Variants in RASSF8 observed in about 807,000 individuals in gnomAD.
RASSF8 encodes ras association domain-containing protein 8.
A neutral mutation model predicts 48.5 loss-of-function variants in RASSF8; 22 were observed. That is an observed-to-expected ratio of 0.45 (90% CI 0.32 to 0.65). The LOEUF (loss-of-function observed/expected upper bound fraction) is 0.65. Ranked by LOEUF, RASSF8 falls within the 30% of genes least tolerant of loss-of-function variation. The pLI is 0.03. For missense variants in RASSF8, 418 were observed against 489.2 expected, an observed-to-expected ratio of 0.85 and a Z score of 1.37; for synonymous variants, 127 against 171.5, an observed-to-expected ratio of 0.74 and a Z score of 2.03.
At chr12:26,030,430 C>T (rs949446128) in intron 2 of RASSF8, among the ~76,000 whole-genome samples, 1 of 152,140 alleles carries the variant, frequency 6.6e-6, no homozygotes, top group African/African-American at 2.4e-5. Flanking sequence ...CTGCAGGGCT[C>T]TGTAGGATGA....
At chr12:26,050,084 A>G (rs555642921) in intron 2 of RASSF8, among the ~76,000 whole-genome samples, 39 of 152,332 alleles carry the variant, frequency 2.6e-4, no homozygotes, top group African/African-American at 8.7e-4. Flanking sequence ...CGCCCAGCCA[A>G]AGACATAATT....
At chr12:26,052,927 T>C (rs1348997757) in intron 2 of RASSF8, 1 of 152,168 alleles carries the variant, frequency 6.6e-6, no homozygotes, top group Non-Finnish European at 1.5e-5. Context: ...GGCAGTATGC[T>C]AAAGTCTAAA....
intron 1 of RASSF8, among the ~76,000 whole-genome samples, chr12:25,976,856 T>A (rs1941618850): frequency 6.6e-6 from 1 of 152,178 alleles, no homozygotes; most frequent in Non-Finnish European, 1.5e-5. Flanking sequence ...AAGCCCAGTG[T>A]GTTACTCCCA....
At position 26,071,810 on chromosome 12, in the gene RASSF8, A is replaced by G; in HGVS notation, c.*2992A>G. 1.1e-6 allele frequency: 1 copy of G among 895,654 alleles called. No homozygotes were observed. The highest frequency in any genetic ancestry group is 2.9e-5 in the African/African-American group (1 of 34,336). The allele number at this position is 895,654 out of a possible 1,614,324, so 55.5% of individuals were successfully genotyped here. On this transcript the variant is annotated 3_prime_UTR_variant, in exon 6 of 6. Coordinates refer to ENST00000689635, the MANE Select transcript of RASSF8 (RefSeq NM_001394098.1). ...CTGATAGAGTAAAAACTATATAAATACAGTAAAAAAAAAATAGAATTTATG... is the reference window on the plus strand; with the variant it reads ...CTGATAGAGTAAAAACTATATAAATGCAGTAAAAAAAAAATAGAATTTATG...
At chr12:25,979,446 A>G (rs1941686494) in intron 1 of RASSF8, among the ~76,000 whole-genome samples, 2 of 152,160 alleles carry the variant, frequency 1.3e-5, no homozygotes, top group South Asian at 2.1e-4. Flanking sequence ...TTTCTGAAGA[A>G]CAGTGAGGTT....
chr12:25,978,528 T>G lies in RASSF8; in HGVS notation c.-202-16509T>G, dbSNP rs141072269. Among the ~76,000 whole-genome samples, 8 of 152,370 alleles carry G rather than the reference T, an allele frequency of 5.3e-5. No individual in the cohort carries two copies. In the East Asian group the frequency reaches 1.5e-3, roughly 29 times the overall value. On this transcript the variant is annotated intron_variant, in intron 1 of 5. Coordinates refer to ENST00000689635, the MANE Select transcript of RASSF8 (RefSeq NM_001394098.1). ...CAGAAGCATGTGCTTGTGCACCTTA[T>G]AAGCAACAAAATAGTTTTTGCCAAA...
intron 1 of RASSF8, among the ~76,000 whole-genome samples, chr12:25,963,907 A>AT (rs1941295828): frequency 6.6e-6 from 1 of 152,154 alleles, no homozygotes; most frequent in Non-Finnish European, 1.5e-5. Flanking sequence ...TTGTTCCTAC[A>AT]TTTCCCCACT....
At chr12:26,004,871 G>T (rs1361139042) in intron 2 of RASSF8, among the ~76,000 whole-genome samples, 1 of 152,156 alleles carries the variant, frequency 6.6e-6, no homozygotes, top group Middle Eastern at 3.4e-3. Context: ...TAAGTGAAAG[G>T]TATAAAATGA....
intron 2 of RASSF8, among the ~76,000 whole-genome samples, chr12:25,996,180 A>C (rs1324997947): frequency 6.6e-6 from 1 of 152,312 alleles, no homozygotes; most frequent in East Asian, 1.9e-4. Context: ...TGATTCTAAT[A>C]AGGCAATTTT....
chr12:26,023,435 A>T (rs1395121881), intron 2 of RASSF8, among the ~76,000 whole-genome samples: 1 of 152,216 alleles, frequency 6.6e-6, no homozygotes, highest in Non-Finnish European at 1.5e-5. Context: ...TTAATAGCTG[A>T]CTTCTCATCG....
chr12:26,068,365 CTTCT>C (rs1279913866), intron 5 of RASSF8, among the ~76,000 whole-genome samples: 2 of 151,998 alleles, frequency 1.3e-5, no homozygotes, highest in African/African-American at 4.8e-5. Context: ...CCCCCTTTTC[CTTCT>C]TTTTCTTCTA....
At chr12:26,037,608 C>T (rs1160033502) in intron 2 of RASSF8, among the ~76,000 whole-genome samples, 1 of 152,114 alleles carries the variant, frequency 6.6e-6, no homozygotes, top group African/African-American at 2.4e-5. Context: ...ATGTTTATAA[C>T]TAGCAATGAG....
At chr12:26,048,761 T>C (rs540357051) in intron 2 of RASSF8, among the ~76,000 whole-genome samples, 11 of 149,608 alleles carry the variant, frequency 7.4e-5, no homozygotes, top group Non-Finnish European at 1.5e-4. Flanking sequence ...TTGTTTTGTT[T>C]TGTTTTTTTC....
At chr12:26,037,005 A>G (rs1301169329) in intron 2 of RASSF8, among the ~76,000 whole-genome samples, 1 of 152,132 alleles carries the variant, frequency 6.6e-6, no homozygotes, top group East Asian at 1.9e-4. Flanking sequence ...TTTTCCTTTT[A>G]TATCTCAGAG....
chr12:26,058,938 T>G (rs1449353707), intron 3 of RASSF8, among the ~76,000 whole-genome samples: 1 of 152,236 alleles, frequency 6.6e-6, no homozygotes, highest in Non-Finnish European at 1.5e-5. Flanking sequence ...TCAACTGTCC[T>G]GCAAGAGTGC....
At chr12:26,004,440 C>G (rs552090628) in intron 2 of RASSF8, among the ~76,000 whole-genome samples, 3 of 152,210 alleles carry the variant, frequency 2.0e-5, no homozygotes, top group Non-Finnish European at 4.4e-5. Context: ...TTAGGGAGTG[C>G]CAGCCTCTTG....
chr12:26,063,104 G>T (rs767517608), intron 3 of RASSF8, among the ~76,000 whole-genome samples: 3 of 152,000 alleles, frequency 2.0e-5, no homozygotes, highest in Non-Finnish European at 4.4e-5. Flanking sequence ...ACTACTATTG[G>T]CTCAGAAGCT....
At chr12:25,966,687 T>C (rs1029593956) in intron 1 of RASSF8, among the ~76,000 whole-genome samples, 14 of 152,236 alleles carry the variant, frequency 9.2e-5, no homozygotes, top group African/African-American at 3.4e-4. Context: ...TGAATACAAG[T>C]GTTTCATCAA....
At position 26,071,336 on chromosome 12, in the gene RASSF8, A is replaced by G. The variant is rs1362742485; in HGVS notation, c.*2518A>G. 1.0e-6 allele frequency: 1 copy of G among 971,142 alleles called. No individual in the cohort carries two copies. The highest frequency in any genetic ancestry group is 1.2e-6 in the Non-Finnish European group (1 of 816,936). 60.2% of individuals were successfully genotyped at this position (971,142 alleles called of 1,614,324 possible). ...TGGGCAATGGTATACAAAAATACCA[A>G]ATATAAAATTTTCATCTGGGGGAAT... is the stretch of plus-strand genomic sequence containing the variant. On this transcript the variant is annotated 3_prime_UTR_variant, in exon 6 of 6. Transcript: ENST00000689635.
Sources: gnomAD v4.1 joint callset for allele counts (sites outside exome capture counted in the v4.1 genomes callset) on GRCh38, gnomAD v4.1.1 for gene constraint, MANE v1.5 for transcripts, NCBI Gene and HGNC (gene_info 2026-07-23, HGNC 2026-07-21) for gene names.